Variants in SGCD observed in about 807,000 individuals in gnomAD.
The protein encoded by SGCD is delta-sarcoglycan.
SGCD carries 18 observed loss-of-function variants against 36.6 expected under a neutral mutation model. The ratio of observed to expected loss-of-function variants is 0.49; its 90% CI spans 0.34 to 0.73. The LOEUF is 0.73. Ranked by LOEUF, SGCD falls within the 30% of genes least tolerant of loss-of-function variation. SGCD has a pLI of 0.01. For synonymous variants in SGCD, 133 were observed against 130.6 expected, an observed-to-expected ratio of 1.02 and a Z score of -0.12; for missense variants, 387 against 346.7, an observed-to-expected ratio of 1.12 and a Z score of -0.92.
At chr5:155,883,806 A>AAG (rs1755941377) in intron 1 of SGCD, among the ~76,000 whole-genome samples, 1 of 151,500 alleles carries the variant, frequency 6.6e-6, no homozygotes, top group African/African-American at 2.4e-5. Context: ...AAAAAAAAAA[A>AAG]AAAAAAAAGA....
intron 3 of SGCD, among the ~76,000 whole-genome samples, chr5:156,241,913 G>A (rs1448588524): frequency 6.6e-6 from 1 of 152,138 alleles, no homozygotes; most frequent in Non-Finnish European, 1.5e-5. Context: ...CATGCTTGGG[G>A]TTGGGAGAGA....
chr5:156,450,328 T>A (rs1753950903), intron 3 of SGCD, among the ~76,000 whole-genome samples: 1 of 151,994 alleles, frequency 6.6e-6, no homozygotes, highest in Non-Finnish European at 1.5e-5. Context: ...TGTGGACACA[T>A]GTTTAAAGCC....
At chr5:156,025,597 A>G (rs150763584) in intron 1 of SGCD, among the ~76,000 whole-genome samples, 29 of 152,276 alleles carry the variant, frequency 1.9e-4, no homozygotes, top group Admixed American at 7.2e-4. Flanking sequence ...CTACTATTCT[A>G]TGGGCCTATT....
chr5:156,150,376 C>T (rs1211826219), intron 3 of SGCD, among the ~76,000 whole-genome samples: 1 of 151,640 alleles, frequency 6.6e-6, no homozygotes, highest in Non-Finnish European at 1.5e-5. Context: ...TAGTCTGCTT[C>T]CATCCCCTTT....
chr5:155,998,078 T>C (rs1198287730), intron 1 of SGCD, among the ~76,000 whole-genome samples: 1 of 152,232 alleles, frequency 6.6e-6, no homozygotes, highest in Non-Finnish European at 1.5e-5. Flanking sequence ...TACTGTCTAG[T>C]GTGTTACAAT....
intron 3 of SGCD, among the ~76,000 whole-genome samples, chr5:156,151,064 A>G (rs1762822329): frequency 6.6e-6 from 1 of 151,778 alleles, no homozygotes; most frequent in Non-Finnish European, 1.5e-5. Context: ...AGCTTATATC[A>G]TTCAGTAACA....
chr5:156,641,595 G>A lies in SGCD; in HGVS notation c.503-5869G>A, dbSNP rs537675043. Among the ~76,000 whole-genome samples the A allele has an allele frequency of 7.9e-5, 12 of 152,252 alleles. No individual in the cohort carries two copies. In the South Asian group the frequency reaches 2.1e-3, roughly 26 times the overall value. On this transcript the variant is annotated intron_variant, in intron 6 of 8. Transcript: ENST00000337851. ...AGAGCAGCTTCCTTTATTAAGTAAA[G>A]GCAATTTCTATTGTGACTTAAATAT...
chr5:156,315,927 T>C (rs1767506064), intron 3 of SGCD, among the ~76,000 whole-genome samples: 1 of 151,960 alleles, frequency 6.6e-6, no homozygotes, highest in Non-Finnish European at 1.5e-5. Context: ...AGTTCTTAAA[T>C]ATTTTGGATA....
At chr5:156,474,831 G>A (rs79099623) in intron 3 of SGCD, among the ~76,000 whole-genome samples, 135 of 152,200 alleles carry the variant, frequency 8.9e-4, no homozygotes, top group East Asian at 4.4e-3. Context: ...CTTGATATAC[G>A]TGCATTGGAT....
intron 7 of SGCD, among the ~76,000 whole-genome samples, chr5:156,753,652 G>GAAGGTT (rs1757233591): frequency 6.6e-6 from 1 of 152,204 alleles, no homozygotes; most frequent in Non-Finnish European, 1.5e-5. Flanking sequence ...AATCATGGTG[G>GAAGGTT]AAGGTTAAGG....
At chr5:155,909,283 C>G (rs558374197) in intron 1 of SGCD, among the ~76,000 whole-genome samples, 21 of 152,154 alleles carry the variant, frequency 1.4e-4, no homozygotes, top group African/African-American at 4.8e-4. Flanking sequence ...TCTAATAGAC[C>G]TTAAAAATAG....
intron 7 of SGCD, among the ~76,000 whole-genome samples, chr5:156,672,315 C>T (rs1343613727): frequency 5.3e-5 from 8 of 152,118 alleles, no homozygotes; most frequent in Non-Finnish European, 8.8e-5. Context: ...TCACAGATTC[C>T]AGAGTTAACC....
At chr5:156,670,769 A>G (rs1031776063) in intron 7 of SGCD, among the ~76,000 whole-genome samples, 1 of 152,152 alleles carries the variant, frequency 6.6e-6, no homozygotes, top group Non-Finnish European at 1.5e-5. Flanking sequence ...TCTCAGGGAA[A>G]ACTAGATAAG....
intron 1 of SGCD, among the ~76,000 whole-genome samples, chr5:156,056,654 A>AAACAAAAC (rs1554115102): frequency 0.02 from 2,788 of 137,912 alleles, 307 homozygotes; most frequent in African/African-American, 0.073. Flanking sequence ...TTAAAAAAAA[A>AAACAAAAC]AAAAAAAAAA....
chr5:156,219,494 T>C (rs1764664410), intron 3 of SGCD, among the ~76,000 whole-genome samples: 1 of 151,742 alleles, frequency 6.6e-6, no homozygotes, highest in South Asian at 2.1e-4. Flanking sequence ...AAATAAAGCA[T>C]CTGAATCTGA....
chr5:155,921,044 A>G (rs1430072338), intron 1 of SGCD, among the ~76,000 whole-genome samples: 3 of 152,170 alleles, frequency 2.0e-5, no homozygotes, highest in Admixed American at 6.6e-5. Context: ...CTTGGGCAAT[A>G]CCAACATTTA....
the SGCD span, among the ~76,000 whole-genome samples, chr5:155,810,938 C>T: frequency 7.5e-6 from 1 of 133,994 alleles, no homozygotes. Flanking sequence ...CTGCCTCAGC[C>T]TCCCAAGTAG....
chr5:155,857,251 A>G, the SGCD span, among the ~76,000 whole-genome samples: 1 of 152,218 alleles, frequency 6.6e-6, no homozygotes, highest in Non-Finnish European at 1.5e-5. Flanking sequence ...ATAAATAAAT[A>G]AATGAAGTTA....
chr5:155,876,061 T>A (rs1455327142), intron 1 of SGCD, among the ~76,000 whole-genome samples: 6 of 151,798 alleles, frequency 4.0e-5, no homozygotes, highest in South Asian at 4.2e-4. Flanking sequence ...TATTTTTTTT[T>A]ATTATACTTT....
Sources: allele counts gnomAD v4.1 joint callset (sites outside exome capture counted in the v4.1 genomes callset), GRCh38; gene constraint gnomAD v4.1.1; transcripts MANE v1.5; gene names NCBI Gene and HGNC (gene_info 2026-07-23, HGNC 2026-07-21).